The following CCDC102B variants were observed in gnomAD, a reference collection of about 807,000 sequenced individuals.
CCDC102B encodes the protein coiled-coil domain containing 102B, also known as coiled-coil domain-containing protein 102B.
Under a neutral mutation model 57.4 loss-of-function variants are expected in CCDC102B, and 75 were observed. That is an observed-to-expected ratio of 1.31 (90% confidence interval 1.08 to 1.58). CCDC102B has a LOEUF of 1.58. CCDC102B is among the 40% of genes most tolerant of loss of function. The pLI is 0.00. For synonymous variants in CCDC102B, 206 were observed against 201.9 expected (o/e 1.02, Z -0.17); for missense variants, 636 against 582.6 (o/e 1.09, Z -0.94).
intron 7 of CCDC102B, among the ~76,000 whole-genome samples, chr18:69,031,449 C>CTT (rs76983663): frequency 7.1e-6 from 1 of 141,772 alleles, no homozygotes; most frequent in African/African-American, 2.6e-5. Flanking sequence ...TCCTGGAGAC[C>CTT]TTTTTTTTTT....
chr18:68,832,380 G>C (rs2037181386), intron 1 of CCDC102B, among the ~76,000 whole-genome samples: 1 of 152,148 alleles, frequency 6.6e-6, no homozygotes, highest in Non-Finnish European at 1.5e-5. Context: ...GTGATTGTTA[G>C]TTTGGTTTAT....
intron 6 of CCDC102B, among the ~76,000 whole-genome samples, chr18:68,926,270 A>T (rs1190316400): frequency 2.0e-5 from 3 of 151,938 alleles, no homozygotes; most frequent in Admixed American, 1.3e-4. Context: ...ATTTAATCAA[A>T]TATAGTTTAA....
intron 1 of CCDC102B, among the ~76,000 whole-genome samples, chr18:68,829,273 T>C (rs1280642357): frequency 6.6e-6 from 1 of 152,018 alleles, no homozygotes. Context: ...TGCTTTTTGC[T>C]TTAGTAAGAA....
intron 4 of CCDC102B, among the ~76,000 whole-genome samples, chr18:68,874,216 A>G (rs867164449): frequency 4.5e-4 from 59 of 131,196 alleles, no homozygotes; most frequent in Admixed American, 1.5e-3. Flanking sequence ...GTGTGTGTAT[A>G]TATATATACT....
intron 7 of CCDC102B, among the ~76,000 whole-genome samples, chr18:69,039,442 T>C (rs1263187852): frequency 6.6e-6 from 1 of 151,964 alleles, no homozygotes; most frequent in African/African-American, 2.4e-5. Context: ...CATAGGTTAC[T>C]TACTAAAATA....
chr18:68,719,108 C>G (rs1014675729), intron 2 of CCDC102B, among the ~76,000 whole-genome samples: 1 of 151,236 alleles, frequency 6.6e-6, no homozygotes, highest in South Asian at 2.1e-4. Context: ...AAAACTTGTT[C>G]AAAAACTAAA....
intron 2 of CCDC102B, among the ~76,000 whole-genome samples, chr18:68,720,118 A>G (rs1045445493): frequency 6.6e-6 from 1 of 152,272 alleles, no homozygotes; most frequent in African/African-American, 2.4e-5. Context: ...AGGAATTTAT[A>G]TACTTCAACC....
intron 6 of CCDC102B, among the ~76,000 whole-genome samples, chr18:68,970,698 T>G (rs1224826324): frequency 2.0e-5 from 3 of 152,042 alleles, no homozygotes; most frequent in African/African-American, 7.2e-5. Flanking sequence ...ATTATAAATA[T>G]ACTGACAGTG....
intron 6 of CCDC102B, among the ~76,000 whole-genome samples, chr18:68,929,257 GAAGTCAGTA>G (rs1396212457): frequency 1.3e-5 from 2 of 151,892 alleles, no homozygotes; most frequent in Non-Finnish European, 2.9e-5. Context: ...CAGGGGTGTT[GAAGTCAGTA>G]AAGCCTTAAT....
chr18:68,930,330 C>A (rs2041626228), intron 6 of CCDC102B, among the ~76,000 whole-genome samples: 1 of 150,790 alleles, frequency 6.6e-6, no homozygotes, highest in East Asian at 2.0e-4. Context: ...TGTTTATGGG[C>A]TATTTTTAAA....
At position 68,857,176 on chromosome 18, in the gene CCDC102B, TAAAAATATATTTATATATTTTTATATAA is replaced by T. The variant is rs1568292178; in HGVS notation, c.936+10756_936+10783del. Among the ~76,000 whole-genome samples, 4 of 17,086 alleles carry T rather than the reference TAAAAATATATTTATATATTTTTATATAA, an allele frequency of 2.3e-4. 1 individual carries two copies. Among genetic ancestry groups the T allele is most frequent in the Non-Finnish European group, 3.3e-4 (3 of 9,224 alleles). 11.2% of individuals were successfully genotyped at this position (17,086 alleles called of 152,430 possible). On this transcript the variant is annotated intron_variant, in intron 4 of 7. Coordinates refer to ENST00000360242, the MANE Select transcript of CCDC102B (RefSeq NM_024781.3). ...TATTTATATATTTTTATATAATATA[TAAAAATATATTTATATATTTTTATATAA>T]TATATAAAAATATATTTATATATTT...
At chr18:68,918,547 T>A (rs547433349) in intron 6 of CCDC102B, among the ~76,000 whole-genome samples, 36 of 152,312 alleles carry the variant, frequency 2.4e-4, no homozygotes, top group Non-Finnish European at 3.7e-4. Context: ...TTCTTGTCTG[T>A]TAAAATTAAA....
chr18:68,963,450 C>T (rs1326418477), intron 6 of CCDC102B, among the ~76,000 whole-genome samples: 1 of 151,720 alleles, frequency 6.6e-6, no homozygotes, highest in Non-Finnish European at 1.5e-5. Context: ...CAAATATATC[C>T]TATATCTATT....
rs553710720 is a variant in CCDC102B at position 68,999,263 on chromosome 18, G to A, written c.1264-11671G>A. Reference sequence around the variant, plus strand: ...GGGGAAAAAGAGATCTGGTCTATAGGTTGAGTGGGGCATGTAATCAAAATA... The same window carrying A: ...GGGGAAAAAGAGATCTGGTCTATAGATTGAGTGGGGCATGTAATCAAAATA... On this transcript the variant is annotated intron_variant, in intron 6 of 7. Coordinates refer to ENST00000360242, the MANE Select transcript of CCDC102B (RefSeq NM_024781.3). Among the ~76,000 whole-genome samples the A allele has an allele frequency of 4.6e-5, 7 of 152,000 alleles. No individual in the cohort carries two copies. In the East Asian group the frequency reaches 1.4e-3, roughly 30 times the overall value.
intron 6 of CCDC102B, among the ~76,000 whole-genome samples, chr18:68,915,656 T>G (rs72961107): frequency 0.033 from 5,025 of 152,314 alleles, 132 homozygotes; most frequent in Middle Eastern, 0.044. Flanking sequence ...TAACTTGGAT[T>G]AGGTTGGTAC....
intron 6 of CCDC102B, among the ~76,000 whole-genome samples, chr18:68,932,270 T>C (rs1016561572): frequency 2.6e-5 from 4 of 151,916 alleles, no homozygotes; most frequent in Non-Finnish European, 4.4e-5. Context: ...GCATTAAATA[T>C]AAATAACTGT....
chr18:68,787,080 G>A (rs925337876), intron 2 of CCDC102B, among the ~76,000 whole-genome samples: 27 of 151,262 alleles, frequency 1.8e-4, no homozygotes, highest in Admixed American at 2.6e-4. Flanking sequence ...CATCTATTGA[G>A]ATAATCATGT....
At chr18:68,798,421 T>C (rs1338313614) in intron 1 of CCDC102B, 2 of 152,094 alleles carry the variant, frequency 1.3e-5, no homozygotes, top group Non-Finnish European at 2.9e-5. Flanking sequence ...TTCCTGTCTT[T>C]AAAAAATAAC....
chr18:68,742,267 C>T (rs2033424786), intron 2 of CCDC102B, among the ~76,000 whole-genome samples: 1 of 152,128 alleles, frequency 6.6e-6, no homozygotes, highest in Non-Finnish European at 1.5e-5. Flanking sequence ...CTTGCTTCTG[C>T]CTCATCATGG....
Sources: allele counts gnomAD v4.1 joint callset (sites outside exome capture counted in the v4.1 genomes callset), GRCh38; gene constraint gnomAD v4.1.1; transcripts MANE v1.5; gene names NCBI Gene and HGNC (gene_info 2026-07-23, HGNC 2026-07-21).